The following COL18A1 variants were observed in gnomAD, a reference collection of about 807,000 sequenced individuals.
COL18A1 encodes collagen type XVIII alpha 1 chain.
In COL18A1, 133 loss-of-function variants were observed where a neutral mutation model predicts 168.0. The ratio of observed to expected loss-of-function variants is 0.79; its 90% CI spans 0.69 to 0.91. The LOEUF (loss-of-function observed/expected upper bound fraction) is 0.91, where lower values mean the gene tolerates loss of function less well. COL18A1 is among the 40% of genes least tolerant of loss of function. The probability of loss-of-function intolerance (pLI) is 0.00; values close to 1 mark genes in which losing one functional copy is unlikely to be tolerated. For missense variants in COL18A1, 2,126 were observed against 1,925.4 expected (o/e 1.10, Z -1.95); for synonymous variants, 949 against 809.0 (o/e 1.17, Z -2.94).
At chr21:45,494,659 G>A (rs1329210548) in intron 27 of COL18A1, 88 bp downstream of exon 27, 6 of 1,576,890 alleles carry the variant, frequency 3.8e-6, no homozygotes, top group East Asian at 2.2e-5. Flanking sequence ...AGCTTGTGCT[G>A]TGCGGCCCAG....
At chr21:45,490,375 A>G (rs1044635404) in intron 20 of COL18A1, 29 bp downstream of exon 20, 309 of 1,524,704 alleles carry the variant, frequency 2.0e-4, no homozygotes, top group Non-Finnish European at 2.7e-4. Flanking sequence ...CCCAGGGTGC[A>G]GGGGGGGCGT....
At position 45,471,645 on chromosome 21, in the gene COL18A1, G is replaced by C. The variant is rs1027798180; in HGVS notation, c.652-2250G>C. On this transcript the variant is annotated intron_variant, in intron 3 of 41. Coordinates refer to ENST00000651438, the MANE Select transcript of COL18A1 (RefSeq NM_001379500.1). The surrounding 1 kb of genome is among the most constrained non-coding windows in gnomAD (Gnocchi z 4.4). ...TTTTCAGGTTCACTTTCTTGAGTCA[G>C]GTTTGTCAGTGGTCGTCTCCCGGGA... is the stretch of plus-strand genomic sequence containing the variant. 1.3e-5 allele frequency among the ~76,000 whole-genome samples: 2 copies of C among 152,170 alleles called. No homozygotes were observed. The highest frequency in any genetic ancestry group is 2.4e-5 in the African/African-American group (1 of 41,432).
At chr21:45,452,251 C>G (rs528948485) in intron 2 of COL18A1, among the ~76,000 whole-genome samples, 12 of 152,346 alleles carry the variant, frequency 7.9e-5, no homozygotes, top group Admixed American at 5.9e-4. Context: ...TTGGGCAACA[C>G]CAGGGTGCTT....
chr21:45,482,009 G>A lies in COL18A1; in HGVS notation c.1658G>A (p.Gly553Glu). 6.2e-7 allele frequency: 1 copy of A among 1,613,450 alleles called. No individual in the cohort carries two copies. Among genetic ancestry groups the A allele is most frequent in the South Asian group, 1.1e-5 (1 of 91,028 alleles). ...AGAGAGGGGCCCCCAGGAAGGACTG[G>A]GCAGAAAGGCAGCCTGGTAAGTCTT... Reference protein sequence around the residue: ...PGREGPPGRTGQKGSLGEAGA... With the variant: ...PGREGPPGRTEQKGSLGEAGA... Residue 553 changes from glycine to glutamate, a missense_variant, in exon 14 of 42, where the codon GGG (glycine) becomes GAG (glutamate). Gly to Glu is a moderately conservative substitution (Grantham distance 98). Transcript: ENST00000651438.
intron 9 of COL18A1, among the ~76,000 whole-genome samples, chr21:45,479,235 C>T (rs1857928076): frequency 6.6e-6 from 1 of 152,086 alleles, no homozygotes; most frequent in African/African-American, 2.4e-5. Context: ...ACACACAGCA[C>T]ATATCACACA....
Position 45,509,383 on chromosome 21 carries a change from C to G in COL18A1, c.3277C>G (p.Pro1093Ala). The stretch of plus-strand genomic sequence containing the variant: ...CAATGAAGTGGCCGCCTTGCAGCCC[C>G]CCGTGGTGCAGCTGCACGACAGCAA... ...TDNEVAALQP[P>A]VVQLHDSNPY... The change falls in exon 39 of 42, where the codon CCC becomes GCC. Residue 1093 changes from proline (P) to alanine (A), a missense_variant. By Grantham distance (27) the Pro-to-Ala change is conservative (BLOSUM62 -1). Coordinates refer to ENST00000651438, the MANE Select transcript of COL18A1 (RefSeq NM_001379500.1). The G allele has an allele frequency of 1.9e-6, 3 of 1,543,070 alleles. No individual in the cohort carries two copies. The highest frequency in any genetic ancestry group is 2.6e-6 in the Non-Finnish European group (3 of 1,144,516).
chr21:45,437,044 A>G (rs897887913), intron 2 of COL18A1, among the ~76,000 whole-genome samples: 3 of 152,060 alleles, frequency 2.0e-5, no homozygotes, highest in Non-Finnish European at 2.9e-5. Context: ...TCTATTGCCA[A>G]GGTTCTGCAG....
Position 45,501,698 on chromosome 21 carries a change from C to CAAAGCCGGT in COL18A1, c.2684-2313_2684-2312insAAAGCCGGT, listed in dbSNP as rs2036841340. Among the ~76,000 whole-genome samples the CAAAGCCGGT allele has an allele frequency of 1.5e-5, 2 of 133,700 alleles. 1 individual carries two copies. Among genetic ancestry groups the CAAAGCCGGT allele is most frequent in the African/African-American group, 5.6e-5 (2 of 35,730 alleles). The allele number at this position is 133,700 out of a possible 152,430, so 87.7% of individuals were successfully genotyped here. Reference sequence around the variant, plus strand: ...CTCTGCAGAAGGACCCCCAGGGGCTCCACAGCCGGTCACCTCCCTCTGCAG... The same window carrying CAAAGCCGGT: ...CTCTGCAGAAGGACCCCCAGGGGCTCAAAGCCGGTCACAGCCGGTCACCTCCCTCTGCAG... On this transcript the variant is annotated intron_variant, in intron 32 of 41. Coordinates refer to ENST00000651438, the MANE Select transcript of COL18A1 (RefSeq NM_001379500.1).
At chr21:45,444,434 G>A (rs142412709) in intron 2 of COL18A1, among the ~76,000 whole-genome samples, 11 of 152,292 alleles carry the variant, frequency 7.2e-5, no homozygotes, top group East Asian at 3.9e-4. Flanking sequence ...GTGGTGAGGC[G>A]TAGGGCTGGG....
Position 45,488,427 on chromosome 21 carries a change from G to C in COL18A1, c.1906G>C (p.Gly636Arg). Residue 636 changes from glycine to arginine, a missense_variant, in exon 18 of 42, where the codon GGC becomes CGC. Coordinates refer to ENST00000651438, the MANE Select transcript of COL18A1 (RefSeq NM_001379500.1). ...RSADGPQGPP[G>R]LPGLKGDPGV... ...TCCTCTGCCCTGACAGGGACCTCCCGGCCTGCCGGGACTTAAGGTCAGTGA... is the reference window on the plus strand; with the variant it reads ...TCCTCTGCCCTGACAGGGACCTCCCCGCCTGCCGGGACTTAAGGTCAGTGA... 1 of 1,613,856 alleles carries C rather than the reference G, an allele frequency of 6.2e-7. No homozygotes were observed. The highest frequency in any genetic ancestry group is 8.5e-7 in the Non-Finnish European group (1 of 1,180,014).
chr21:45,453,854 G>A (rs1340688058), intron 2 of COL18A1, among the ~76,000 whole-genome samples: 1 of 152,214 alleles, frequency 6.6e-6, no homozygotes, highest in Non-Finnish European at 1.5e-5. Flanking sequence ...CTCTGCCCAG[G>A]AGGTGTATAT....
At chr21:45,472,780 C>A (rs1469108872) in intron 3 of COL18A1, among the ~76,000 whole-genome samples, 1 of 148,252 alleles carries the variant, frequency 6.7e-6, no homozygotes, top group African/African-American at 2.6e-5. Context: ...CTGTGGGAAA[C>A]CCAGGGGGCC....
Position 45,471,386 on chromosome 21 carries a change from G to A in COL18A1, c.652-2509G>A, listed in dbSNP as rs1195889544. Among the ~76,000 whole-genome samples, 1 of 152,194 alleles carries A rather than the reference G, an allele frequency of 6.6e-6. No individual in the cohort carries two copies. The highest frequency in any genetic ancestry group is 1.5e-5 in the Non-Finnish European group (1 of 68,026). On this transcript the variant is annotated intron_variant, in intron 3 of 41. Coordinates refer to ENST00000651438, the MANE Select transcript of COL18A1 (RefSeq NM_001379500.1). This position sits in a 1 kb window ranked among gnomAD's most constrained non-coding sequence, Gnocchi z 4.4. ...CTCAGACTTCTGAATTGAGATACTT[G>A]GGAAAGAAACATTCAAGTTGTGTGA...
At chr21:45,503,189 A>G (rs1447685002) in intron 32 of COL18A1, among the ~76,000 whole-genome samples, 1 of 152,196 alleles carries the variant, frequency 6.6e-6, no homozygotes, top group African/African-American at 2.4e-5. Context: ...TCCCACCAAC[A>G]GTGTAAAAGT....
At chr21:45,431,488 A>AG (rs1414395118) in intron 2 of COL18A1, among the ~76,000 whole-genome samples, 90 of 8,554 alleles carry the variant, frequency 0.011, 20 homozygotes, top group African/African-American at 0.061. Flanking sequence ...GGCCCAGGGG[A>AG]GGGGGCAGGC....
chr21:45,489,733 C>T (rs117351414), intron 19 of COL18A1, among the ~76,000 whole-genome samples: 2,389 of 151,906 alleles, frequency 0.016, 26 homozygotes, highest in South Asian at 0.034. Flanking sequence ...GGTTTGACTG[C>T]GTCAGGAACA....
At chr21:45,493,939 C>T in intron 26 of COL18A1, 2 of 319,676 alleles carry the variant, frequency 6.3e-6, no homozygotes, top group South Asian at 7.3e-5. Context: ...CCTCCAGCCT[C>T]TTCCTGGGGG....
chr21:45,479,809 T>C lies in COL18A1; in HGVS notation c.1249-93T>C, dbSNP rs7280620. Reference sequence around the variant, plus strand: ...ACTCCCCTGAAGGGCTCAGCTCCCGTCCGTCCCCTGCTTGGGGGAGGAGCA... The same window carrying C: ...ACTCCCCTGAAGGGCTCAGCTCCCGCCCGTCCCCTGCTTGGGGGAGGAGCA... On this transcript the variant is annotated intron_variant, in intron 9 of 41. Transcript: ENST00000651438. The C allele has an allele frequency of 0.075, 116,823 of 1,554,048 alleles. 5,833 individuals carry two copies. Among genetic ancestry groups the C allele is most frequent in the African/African-American group, 0.22 (16,312 of 73,124 alleles).
chr21:45,476,544 T>A (rs80289899), intron 6 of COL18A1, 64 bp downstream of exon 6: 1 of 1,534,804 alleles, frequency 6.5e-7, no homozygotes, highest in African/African-American at 1.4e-5. Flanking sequence ...TAACGTGTGT[T>A]TGTGTGATGG....
Sources: gnomAD v4.1 joint callset for allele counts (sites outside exome capture counted in the v4.1 genomes callset) on GRCh38, gnomAD v4.1.1 for gene constraint, Gnocchi (gnomAD v3.1) non-coding constraint, MANE v1.5 for transcripts, NCBI Gene and HGNC (gene_info 2026-07-23, HGNC 2026-07-21) for gene names.